HAUS5: variants seen among roughly 807,000 people sequenced by gnomAD.
The protein encoded by HAUS5 is HAUS augmin-like complex subunit 5.
Under a neutral mutation model 94.1 loss-of-function variants are expected in HAUS5, and 67 were observed. The ratio of observed to expected loss-of-function variants is 0.71; its 90% CI spans 0.58 to 0.87. The LOEUF (loss-of-function observed/expected upper bound fraction) is 0.87, where lower values mean the gene tolerates loss of function less well. Among genes scored for constraint, HAUS5 ranks in the 40% least tolerant of loss-of-function variants. The pLI, the probability that HAUS5 is intolerant of heterozygous loss-of-function variation, is 0.00. For missense variants in HAUS5, 739 were observed against 825.6 expected, an observed-to-expected ratio of 0.90 and a Z score of 1.29; for synonymous variants, 339 against 355.4, an observed-to-expected ratio of 0.95 and a Z score of 0.52.
chr19:35,618,958 A>T lies in HAUS5; in HGVS notation c.1088A>T (p.Gln363Leu). The part of the protein sequence containing the change: ...TELKALHDQS[Q>L]ELQDAAGHRQ... ...CTCAAGGCCCTGCACGATCAGAGCC[A>T]GGAGCTGCAGGATGCAGCTGGGCAT... Residue 363 changes from glutamine (Q) to leucine (L), a missense_variant, in exon 13 of 19, where the codon CAG (glutamine) becomes CTG (leucine). By Grantham distance (113) the Gln-to-Leu change is moderately radical. Coordinates refer to ENST00000203166, the MANE Select transcript of HAUS5 (RefSeq NM_015302.2). 1 of 1,613,618 alleles carries T rather than the reference A, an allele frequency of 6.2e-7. No individual in the cohort carries two copies. The highest frequency in any genetic ancestry group is 8.5e-7 in the Non-Finnish European group (1 of 1,179,774).
chr19:35,619,521 G>A lies in HAUS5; in HGVS notation c.1260+17G>A, dbSNP rs1967168384. The A allele has an allele frequency of 1.9e-6, 3 of 1,608,528 alleles. No homozygotes were observed. Among genetic ancestry groups the A allele is most frequent in the Admixed American group, 1.7e-5 (1 of 59,636 alleles). On this transcript the variant is annotated intron_variant, in intron 14 of 18. Transcript: ENST00000203166. ...CCGGGGGAGGTGAGATGGGAGTTGGGGTGAGGTCTGGGTAGGGCTGGATCT... is the reference window on the plus strand; with the variant it reads ...CCGGGGGAGGTGAGATGGGAGTTGGAGTGAGGTCTGGGTAGGGCTGGATCT...
At chr19:35,619,938 TG>T in intron 15 of HAUS5, 73 bp from the exon 16 acceptor site, 3 of 1,554,312 alleles carry the variant, frequency 1.9e-6, no homozygotes, top group Non-Finnish European at 1.7e-6. Flanking sequence ...TTGAAGTTCC[TG>T]GGCCCCCAGA....
intron 18 of HAUS5, 25 bp from the exon 19 acceptor site, chr19:35,622,851 T>C (rs370077892): frequency 1.1e-5 from 18 of 1,608,630 alleles, no homozygotes; most frequent in Non-Finnish European, 1.4e-5. Flanking sequence ...AGTCCTTTCC[T>C]CGTTGACGCC....
chr19:35,620,879 T>C (rs1967199409), intron 17 of HAUS5, among the ~76,000 whole-genome samples: 1 of 152,160 alleles, frequency 6.6e-6, no homozygotes, highest in South Asian at 2.1e-4. Context: ...ATTAGCATCA[T>C]TGTCTGTGTA....
chr19:35,617,283 C>A lies in HAUS5; in HGVS notation c.556-4C>A. ...CTCAGGTCCCTTCCTCCTCTTCTCC[C>A]TAGCGTGATGTCCGAACAGCCTGCA... On this transcript the variant is annotated splice_polypyrimidine_tract_variant and splice_region_variant and intron_variant, in intron 7 of 18. Transcript: ENST00000203166. 6.2e-7 allele frequency: 1 copy of A among 1,613,194 alleles called. No individual in the cohort carries two copies. The highest frequency in any genetic ancestry group is 8.5e-7 in the Non-Finnish European group (1 of 1,179,188).
intron 17 of HAUS5, 27 bp downstream of exon 17, chr19:35,620,354 G>A: frequency 6.2e-7 from 1 of 1,600,842 alleles, no homozygotes; most frequent in Non-Finnish European, 8.5e-7. Context: ...ACCCCATCCA[G>A]CCTCCCCGCC....
intron 6 of HAUS5, among the ~76,000 whole-genome samples, chr19:35,616,442 G>C (rs1489727641): frequency 2.0e-5 from 3 of 152,314 alleles, no homozygotes; most frequent in African/African-American, 7.2e-5. Context: ...ATGATCGTTA[G>C]GTGGAATAAA....
rs778591252 is a variant in HAUS5 at position 35,615,117 on chromosome 19, G to A, written c.295G>A (p.Glu99Lys). 27 of 1,609,540 alleles carry A rather than the reference G, an allele frequency of 1.7e-5. No homozygotes were observed. The highest frequency in any genetic ancestry group is 2.2e-5 in the Non-Finnish European group (26 of 1,177,962). Residue 99 changes from glutamate to lysine, a missense_variant, in exon 5 of 19, where the codon GAG becomes AAG. Glu to Lys is a moderately conservative substitution (Grantham distance 56). Coordinates refer to ENST00000203166, the MANE Select transcript of HAUS5 (RefSeq NM_015302.2). ...AEIQELDQSL[E>K]LMERDTEAQD... Reference sequence around the variant, plus strand: ...AATCCAGGAACTCGACCAGAGCCTGGAGCTGATGGAGCGAGACACTGAGGC... The same window carrying A: ...AATCCAGGAACTCGACCAGAGCCTGAAGCTGATGGAGCGAGACACTGAGGC...
At chr19:35,619,978 TC>T in intron 15 of HAUS5, 33 bp from the exon 16 acceptor site, 1 of 1,603,278 alleles carries the variant, frequency 6.2e-7, no homozygotes. Context: ...CTCCTCTCAG[TC>T]CCCACCCAAC....
chr19:35,614,141 G>T, intron 4 of HAUS5, 82 bp downstream of exon 4: 1 of 1,234,444 alleles, frequency 8.1e-7, no homozygotes, highest in Non-Finnish European at 1.2e-6. Flanking sequence ...CCAGGTGCTG[G>T]GTGATGCTGG....
rs568563183 is a variant in HAUS5, at chr19:35,621,753, C to T, written c.1652-848C>T. ...TCAGCAAGCCCTAAGGGTCCCATCC[C>T]CAGAGTTCTCCCATCGGTCCCCTGC... On this transcript the variant is annotated intron_variant, in intron 17 of 18. Transcript: ENST00000203166. Among the ~76,000 whole-genome samples, 3 of 152,304 alleles carry T rather than the reference C, an allele frequency of 2.0e-5. No homozygotes were observed. In the South Asian group the frequency reaches 6.2e-4, roughly 32 times the overall value.
Position 35,620,213 on chromosome 19 carries a change from C to T in HAUS5, c.1537C>T (p.Pro513Ser). 6.2e-7 allele frequency: 1 copy of T among 1,613,642 alleles called. No homozygotes were observed. The highest frequency in any genetic ancestry group is 8.5e-7 in the Non-Finnish European group (1 of 1,179,822). The change falls in exon 17 of 19, where the codon CCG becomes TCG. Residue 513 changes from proline (P) to serine (S), a missense_variant. Transcript: ENST00000203166. ...PPGKASELLL[P>S]AAASLRQDLL... ...CCTCCAGGCCTCGGAGCTGCTCCTG[C>T]CGGCGGCTGCCTCTCTTCGCCAGGA...
Position 35,620,141 on chromosome 19 carries a change from G to A in HAUS5, c.1518+18G>A, listed in dbSNP as rs772786262. ...CAGGGAAGGTGAGTGCCCGTCTCCT[G>A]TGACTTGTCTCCCCAGCCCCGCCCC... On this transcript the variant is annotated intron_variant, in intron 16 of 18. Coordinates refer to ENST00000203166, the MANE Select transcript of HAUS5 (RefSeq NM_015302.2). 1 of 1,612,362 alleles carries A rather than the reference G, an allele frequency of 6.2e-7. No homozygotes were observed. The highest frequency in any genetic ancestry group is 1.1e-5 in the South Asian group (1 of 91,024).
At position 35,613,799 on chromosome 19, in the gene HAUS5, T is replaced by TGG. The variant is rs2071916453; in HGVS notation, c.161+9_161+10dup. The TGG allele has an allele frequency of 6.2e-7, 1 of 1,614,144 alleles. No homozygotes were observed. Among genetic ancestry groups the TGG allele is most frequent in the African/African-American group, 1.3e-5 (1 of 75,034 alleles). ...AGCATGTGCACAGTCAGAGGTAAGC[T>TGG]GGGCTAGAGCAGGGGAGGGGGCACA... On this transcript the variant is annotated splice_region_variant and intron_variant, in intron 2 of 18. Coordinates refer to ENST00000203166, the MANE Select transcript of HAUS5 (RefSeq NM_015302.2).
rs778888724 is a variant in HAUS5 at position 35,617,132 on chromosome 19, A to AAGTAGATGTGACCTTTGG, written c.496_513dup (p.Val166_Gly171dup). On this transcript the variant is annotated inframe_insertion, in exon 7 of 19. Coordinates refer to ENST00000203166, the MANE Select transcript of HAUS5 (RefSeq NM_015302.2). ...TGCACTTCTCCCTCCAGGAAAGCCAAAGTAGATGTGACCTTTGGATCCCTC... is the reference window on the plus strand; with the variant it reads ...TGCACTTCTCCCTCCAGGAAAGCCAAAGTAGATGTGACCTTTGGAGTAGATGTGACCTTTGGATCCCTC... The AAGTAGATGTGACCTTTGG allele has an allele frequency of 1.1e-5, 18 of 1,613,450 alleles. No individual in the cohort carries two copies. In the East Asian group the frequency reaches 2.2e-4, roughly 20 times the overall value.
At position 35,617,591 on chromosome 19, in the gene HAUS5, GAGGCAGTGCCTTTCCC is replaced by G. The variant is rs1308687499; in HGVS notation, c.638+225_638+240del. ...AGGCCTGAGAGGCTCTGGGCACCCA[GAGGCAGTGCCTTTCCC>G]AGCTAAGAAGGCAGGGAGGGGAGAG... On this transcript the variant is annotated intron_variant, in intron 8 of 18. Coordinates refer to ENST00000203166, the MANE Select transcript of HAUS5 (RefSeq NM_015302.2). Among the ~76,000 whole-genome samples, 11 of 152,178 alleles carry G rather than the reference GAGGCAGTGCCTTTCCC, an allele frequency of 7.2e-5. No individual in the cohort carries two copies. The East Asian group carries it at 1.9e-3, about 27-fold the overall frequency.
intron 6 of HAUS5, among the ~76,000 whole-genome samples, chr19:35,616,396 T>TTTGA (rs2071943569): frequency 6.6e-6 from 1 of 152,146 alleles, no homozygotes; most frequent in Non-Finnish European, 1.5e-5. Flanking sequence ...ATCTGTGGAA[T>TTTGA]GGGGATAATA....
intron 15 of HAUS5, 98 bp downstream of exon 15, chr19:35,619,856 T>G (rs1382944452): frequency 1.3e-6 from 2 of 1,518,598 alleles, no homozygotes; most frequent in Non-Finnish European, 1.8e-6. Flanking sequence ...AGACCCCCAG[T>G]GTTCCCAGGC....
rs749318823 is a variant in HAUS5 at position 35,618,713 on chromosome 19, C to T, written c.1016+14C>T. ...ATCCAGTGAGAGGTGGGGGGCTCTC[C>T]GAGAAGAGGTCTCTAGGCCATCTCG... On this transcript the variant is annotated intron_variant, in intron 12 of 18. Coordinates refer to ENST00000203166, the MANE Select transcript of HAUS5 (RefSeq NM_015302.2). The T allele has an allele frequency of 5.1e-6, 8 of 1,569,704 alleles. No homozygotes were observed. The Admixed American group carries it at 5.5e-5, about 11-fold the overall frequency.
Sources: allele counts gnomAD v4.1 joint callset (sites outside exome capture counted in the v4.1 genomes callset), GRCh38; gene constraint gnomAD v4.1.1; transcripts MANE v1.5; gene names NCBI Gene and HGNC (gene_info 2026-07-23, HGNC 2026-07-21).